The following FOXN3 variants were observed in gnomAD, a reference collection of about 807,000 sequenced individuals.
The protein encoded by FOXN3 is forkhead box N3.
FOXN3 carries 7 observed loss-of-function variants against 38.4 expected under a neutral mutation model. The observed-to-expected ratio is 0.18, with a 90% confidence interval of 0.10 to 0.34. The LOEUF (loss-of-function observed/expected upper bound fraction) is 0.34. FOXN3 is among the 10% of genes least tolerant of loss of function. The pLI is 1.00. For missense variants in FOXN3, 456 were observed against 613.4 expected, an observed-to-expected ratio of 0.74 and a Z score of 2.71; for synonymous variants, 230 against 242.2, an observed-to-expected ratio of 0.95 and a Z score of 0.47.
At chr14:89,456,841 T>C (rs1300726955) in intron 1 of FOXN3, among the ~76,000 whole-genome samples, 2 of 152,174 alleles carry the variant, frequency 1.3e-5, no homozygotes, top group African/African-American at 4.8e-5. Context: ...GGGTTAATTA[T>C]AGGCTGTGTG....
chr14:89,400,399 G>A (rs1187656171), intron 2 of FOXN3, among the ~76,000 whole-genome samples: 1 of 152,142 alleles, frequency 6.6e-6, no homozygotes, highest in African/African-American at 2.4e-5. Context: ...TCTCCACAGA[G>A]CTTGAAACTC....
intron 2 of FOXN3, among the ~76,000 whole-genome samples, chr14:89,403,157 A>T (rs1596254663): frequency 6.6e-6 from 1 of 152,116 alleles, no homozygotes; most frequent in East Asian, 1.9e-4. Flanking sequence ...AATGTAAACT[A>T]CTAAGAGTAC....
chr14:89,401,313 G>A (rs752930505), intron 2 of FOXN3, among the ~76,000 whole-genome samples: 25 of 152,088 alleles, frequency 1.6e-4, no homozygotes, highest in Non-Finnish European at 2.8e-4. Context: ...ATGGTGGCAT[G>A]AGCCTGTAAT....
At chr14:89,376,485 C>A (rs1161715715) in intron 2 of FOXN3, among the ~76,000 whole-genome samples, 2 of 152,132 alleles carry the variant, frequency 1.3e-5, no homozygotes, top group Non-Finnish European at 2.9e-5. Flanking sequence ...TTAGAAAAAT[C>A]ACCATTTTGC....
At chr14:89,505,607 C>T (rs1422161270) in intron 1 of FOXN3, among the ~76,000 whole-genome samples, 3 of 152,062 alleles carry the variant, frequency 2.0e-5, no homozygotes, top group East Asian at 1.9e-4. Flanking sequence ...AGTGCAGTGG[C>T]GTGATCTCGG....
chr14:89,370,780 C>T (rs905723586), intron 2 of FOXN3, among the ~76,000 whole-genome samples: 16 of 152,220 alleles, frequency 1.1e-4, no homozygotes, highest in South Asian at 2.1e-4. Flanking sequence ...CACTCAACTC[C>T]GGATAGGGTC....
intron 1 of FOXN3, among the ~76,000 whole-genome samples, chr14:89,595,649 T>G (rs1896042873): frequency 6.6e-6 from 1 of 152,188 alleles, no homozygotes; most frequent in South Asian, 2.1e-4. Flanking sequence ...AATTAATAGT[T>G]TTATTTATTC....
intron 1 of FOXN3, among the ~76,000 whole-genome samples, chr14:89,530,996 T>C (rs1894550723): frequency 6.8e-6 from 1 of 147,288 alleles, no homozygotes; most frequent in Non-Finnish European, 1.5e-5. Flanking sequence ...TCTACACATA[T>C]ATAATATATA....
rs1895632100 is a variant in FOXN3, at chr14:89,576,715, CCG to C, written c.-15+42311_-15+42312del. ...ATTCGGATCAGATGTCTTCTGTTCCCCGAACACTTCCGCTGTTGACTTTGCAA... is the reference window on the plus strand; with the variant it reads ...ATTCGGATCAGATGTCTTCTGTTCCCAACACTTCCGCTGTTGACTTTGCAA... On this transcript the variant is annotated intron_variant, in intron 1 of 6. Transcript: ENST00000345097. 2.6e-5 allele frequency: 4 copies of C among 152,204 alleles called. No homozygotes were observed. The South Asian group carries it at 8.3e-4, about 32-fold the overall frequency. 9.4% of individuals were successfully genotyped at this position (152,204 alleles called of 1,614,324 possible). A position where few individuals can be genotyped will look rare whatever the true frequency, so the allele number is the denominator to read the frequency against.
At chr14:89,387,471 AACAGTAATTACCTTGCTGAAGGACAC>A (rs1477840146) in intron 2 of FOXN3, among the ~76,000 whole-genome samples, 1 of 152,214 alleles carries the variant, frequency 6.6e-6, no homozygotes, top group Non-Finnish European at 1.5e-5. Flanking sequence ...AAAGCTCATT[AACAGTAATTACCTTGCTGAAGGACAC>A]ACAGCTAGCA....
At chr14:89,343,115 A>C (rs1354561379) in intron 3 of FOXN3, among the ~76,000 whole-genome samples, 3 of 152,220 alleles carry the variant, frequency 2.0e-5, no homozygotes, top group African/African-American at 4.8e-5. Flanking sequence ...ACTCTGAATA[A>C]CTAGAATGAA....
chr14:89,455,830 T>C (rs1267834046), intron 1 of FOXN3, among the ~76,000 whole-genome samples: 1 of 152,192 alleles, frequency 6.6e-6, no homozygotes, highest in Non-Finnish European at 1.5e-5. Context: ...TGTACTTGCC[T>C]GTTAATAAAT....
At chr14:89,363,968 A>ATATATATATATATATATATATATAT (rs1890025998) in intron 2 of FOXN3, among the ~76,000 whole-genome samples, 1 of 120,452 alleles carries the variant, frequency 8.3e-6, no homozygotes, top group Non-Finnish European at 1.6e-5. Context: ...ATATATATAT[A>ATATATATATATATATATATATATAT]TATATATATA....
chr14:89,612,226 T>C (rs1896406596), intron 1 of FOXN3, among the ~76,000 whole-genome samples: 1 of 152,176 alleles, frequency 6.6e-6, no homozygotes. Context: ...ATTATTAAGC[T>C]AATATGAGAA....
At chr14:89,236,469 C>T (rs544048913) in intron 4 of FOXN3, among the ~76,000 whole-genome samples, 1 of 152,212 alleles carries the variant, frequency 6.6e-6, no homozygotes, top group East Asian at 1.9e-4. Flanking sequence ...GAGCCGAGAT[C>T]ACGCCACTGC....
At chr14:89,385,164 C>T (rs1890757507) in intron 2 of FOXN3, among the ~76,000 whole-genome samples, 1 of 152,136 alleles carries the variant, frequency 6.6e-6, no homozygotes, top group South Asian at 2.1e-4. Context: ...CCTTAGCGAC[C>T]TGATTGTGAC....
intron 1 of FOXN3, among the ~76,000 whole-genome samples, chr14:89,507,944 G>A (rs939172092): frequency 6.6e-6 from 1 of 152,158 alleles, no homozygotes; most frequent in East Asian, 1.9e-4. Context: ...TGATGTTCAC[G>A]CATGGAAAGT....
At chr14:89,370,800 C>T (rs542113622) in intron 2 of FOXN3, among the ~76,000 whole-genome samples, 4 of 152,294 alleles carry the variant, frequency 2.6e-5, no homozygotes, top group Non-Finnish European at 5.9e-5. Context: ...CTGCATGGCC[C>T]GTAGGGTCCA....
intron 4 of FOXN3, among the ~76,000 whole-genome samples, chr14:89,260,932 A>C (rs1392113307): frequency 6.6e-6 from 1 of 152,256 alleles, no homozygotes; most frequent in Non-Finnish European, 1.5e-5. Flanking sequence ...AAAACTATCC[A>C]CACAATTCCA....
Sources: gnomAD v4.1 joint callset for allele counts (sites outside exome capture counted in the v4.1 genomes callset) on GRCh38, gnomAD v4.1.1 for gene constraint, MANE v1.5 for transcripts, NCBI Gene and HGNC (gene_info 2026-07-23, HGNC 2026-07-21) for gene names.